CERT1: variants seen among roughly 807,000 people sequenced by gnomAD.
CERT1 encodes ceramide transfer protein.
CERT1 carries 31 observed loss-of-function variants against 87.9 expected under a neutral mutation model. The ratio of observed to expected loss-of-function variants is 0.35; its 90% CI spans 0.27 to 0.48. CERT1 has a LOEUF of 0.48. Ranked by LOEUF, CERT1 falls within the 20% of genes least tolerant of loss-of-function variation. CERT1 has a pLI of 0.99. For synonymous variants in CERT1, 289 were observed against 250.9 expected (o/e 1.15, Z -1.44); for missense variants, 487 against 758.0 (o/e 0.64, Z 4.20).
intron 2 of CERT1, 71 bp downstream of exon 2, chr5:75,505,911 C>G (rs35294062): frequency 1.4e-5 from 17 of 1,213,134 alleles, no homozygotes; most frequent in Non-Finnish European, 1.9e-5. Context: ...ATCCTGAACA[C>G]GTAGAACAGT....
At chr5:75,415,743 G>C (rs1210758385) in intron 7 of CERT1, among the ~76,000 whole-genome samples, 3 of 151,956 alleles carry the variant, frequency 2.0e-5, no homozygotes, top group Non-Finnish European at 4.4e-5. Context: ...TATTTAGGGA[G>C]TTGTCCTGTT....
At chr5:75,414,170 G>C (rs1027654342) in intron 7 of CERT1, among the ~76,000 whole-genome samples, 1 of 152,148 alleles carries the variant, frequency 6.6e-6, no homozygotes, top group African/African-American at 2.4e-5. Flanking sequence ...GATTCCATTT[G>C]TATGTTGTTC....
intron 2 of CERT1, among the ~76,000 whole-genome samples, chr5:75,466,664 A>AT (rs902280252): frequency 2.1e-4 from 32 of 152,176 alleles, no homozygotes; most frequent in Non-Finnish European, 2.5e-4. Flanking sequence ...ATTAAGCCTC[A>AT]TTCCAGGAGG....
chr5:75,380,939 A>G, intron 16 of CERT1, 133 bp downstream of exon 16: 1 of 914,108 alleles, frequency 1.1e-6, no homozygotes, highest in Non-Finnish European at 1.7e-6. Flanking sequence ...TAATTCTGAT[A>G]TACCTTTCTC....
chr5:75,399,354 C>G lies in CERT1; in HGVS notation c.1144G>C (p.Asp382His), dbSNP rs372650212. The G allele has an allele frequency of 2.5e-6, 4 of 1,613,064 alleles. No individual in the cohort carries two copies. The highest frequency in any genetic ancestry group is 3.4e-6 in the Non-Finnish European group (4 of 1,179,350). Residue 382 changes from aspartate (D) to histidine (H), a missense_variant, in exon 11 of 17, where the codon GAT becomes CAT. Physicochemically the swap from Asp to His is moderately conservative, Grantham distance 81 (BLOSUM62 -1). This residue lies in a region of CERT1 where 91 missense variants were observed against 86.7 expected (regional missense o/e 1.05). Coordinates refer to ENST00000643780, the MANE Select transcript of CERT1 (RefSeq NM_001379029.1). ...YSRSSSMSSI[D>H]LVSASDDVHR... Reference sequence around the variant, plus strand: ...ACATCATCAGAGGCACTGACTAGATCAATGGAAGACATGGAGGAAGAGCGA... The same window carrying G: ...ACATCATCAGAGGCACTGACTAGATGAATGGAAGACATGGAGGAAGAGCGA...
At chr5:75,500,346 A>G (rs559711135) in intron 2 of CERT1, among the ~76,000 whole-genome samples, 78 of 152,294 alleles carry the variant, frequency 5.1e-4, no homozygotes, top group African/African-American at 1.8e-3. Context: ...TTAAAATTAT[A>G]TAATTTTCTG....
At chr5:75,494,862 T>C (rs969455114) in intron 2 of CERT1, among the ~76,000 whole-genome samples, 5 of 152,236 alleles carry the variant, frequency 3.3e-5, no homozygotes, top group African/African-American at 9.6e-5. Flanking sequence ...CTTTTCTTCA[T>C]AAGAAGATAA....
intron 17 of CERT1, chr5:75,369,575 C>G (rs770389653): frequency 6.6e-6 from 1 of 152,120 alleles, no homozygotes; most frequent in Non-Finnish European, 1.5e-5. Flanking sequence ...GTTCCCTCAT[C>G]TGTAAAACAG....
intron 2 of CERT1, among the ~76,000 whole-genome samples, chr5:75,491,408 T>G (rs895621911): frequency 6.6e-6 from 1 of 152,220 alleles, no homozygotes; most frequent in Admixed American, 6.5e-5. Flanking sequence ...TCTCTTTAAA[T>G]CACATTTAAA....
At chr5:75,433,994 CTT>C (rs1763979062) in intron 3 of CERT1, among the ~76,000 whole-genome samples, 1 of 152,070 alleles carries the variant, frequency 6.6e-6, no homozygotes, top group African/African-American at 2.4e-5. Context: ...CTTCTCTTGA[CTT>C]ATCGTTCTGG....
intron 5 of CERT1, among the ~76,000 whole-genome samples, chr5:75,421,717 T>A (rs968282337): frequency 6.6e-6 from 1 of 152,230 alleles, no homozygotes; most frequent in South Asian, 2.1e-4. Context: ...CCCATAAAGA[T>A]GACCTTCAAG....
At chr5:75,501,703 G>A (rs185208861) in intron 2 of CERT1, among the ~76,000 whole-genome samples, 215 of 152,192 alleles carry the variant, frequency 1.4e-3, no homozygotes, top group South Asian at 8.1e-3. Context: ...ATATGGGACC[G>A]TAATATATGA....
At chr5:75,476,778 C>A (rs1765969800) in intron 2 of CERT1, among the ~76,000 whole-genome samples, 1 of 152,148 alleles carries the variant, frequency 6.6e-6, no homozygotes, top group Admixed American at 6.5e-5. Context: ...GTGAAAAATA[C>A]TTCGGTTTTT....
intron 3 of CERT1, among the ~76,000 whole-genome samples, chr5:75,446,208 C>T (rs1764528407): frequency 6.6e-6 from 1 of 152,068 alleles, no homozygotes; most frequent in Admixed American, 6.6e-5. Context: ...TCTTTTTGTT[C>T]TTCAAACTAA....
intron 2 of CERT1, among the ~76,000 whole-genome samples, chr5:75,495,665 A>G (rs1017137909): frequency 1.3e-5 from 2 of 152,214 alleles, no homozygotes; most frequent in African/African-American, 2.4e-5. Flanking sequence ...ACGAGTTGTC[A>G]GCAAGTTTTA....
rs770401308 is a variant in CERT1 at position 75,385,963 on chromosome 5, G to C, written c.1356C>G (p.Gly452=). 4.4e-6 allele frequency: 7 copies of C among 1,595,440 alleles called. No individual in the cohort carries two copies. The highest frequency in any genetic ancestry group is 5.1e-6 in the Non-Finnish European group (6 of 1,170,646). ...AATTGCAGACTTCATGTCCTGTGAC[G>C]CCTTTAACTGCATGGGTAGCTTTTA... The part of the protein sequence containing the change: ...DPLKATHAVK[G]VTGHEVCNYF... Residue 452 remains glycine (G), a synonymous_variant, in exon 13 of 17, where the codon GGC becomes GGG. Transcript: ENST00000643780.
At chr5:75,412,176 TTTTC>T (rs1295999128) in intron 7 of CERT1, among the ~76,000 whole-genome samples, 2 of 152,302 alleles carry the variant, frequency 1.3e-5, no homozygotes, top group Admixed American at 6.5e-5. Flanking sequence ...GGCTTTTTTC[TTTTC>T]TTTCTTTTTT....
intron 2 of CERT1, among the ~76,000 whole-genome samples, chr5:75,480,198 ATAAT>A (rs1311120340): frequency 6.6e-6 from 1 of 152,232 alleles, no homozygotes; most frequent in African/African-American, 2.4e-5. Flanking sequence ...CATCATTTAC[ATAAT>A]ATTCTGAACC....
Position 75,397,063 on chromosome 5 carries a change from A to C in CERT1, c.1188+2247T>G, listed in dbSNP as rs538261866. ...TGATAAGGCAGTGTAACATCCTCTG[A>C]AACAAAAAATCTTATCAATTGGGAA... On this transcript the variant is annotated intron_variant, in intron 11 of 16. Coordinates refer to ENST00000643780, the MANE Select transcript of CERT1 (RefSeq NM_001379029.1). 3.9e-5 allele frequency among the ~76,000 whole-genome samples: 6 copies of C among 152,342 alleles called. No individual in the cohort carries two copies. The South Asian group carries it at 6.2e-4, about 16-fold the overall frequency.
Sources: gnomAD v4.1 joint callset for allele counts (sites outside exome capture counted in the v4.1 genomes callset) on GRCh38, gnomAD v4.1.1 for gene constraint, gnomAD v4.1.1 regional missense constraint, MANE v1.5 for transcripts, NCBI Gene and HGNC (gene_info 2026-07-23, HGNC 2026-07-21) for gene names.